Variants in NOD2 observed in about 807,000 individuals in gnomAD.
NOD2 encodes the protein nucleotide binding oligomerization domain containing 2.
In NOD2, 86 loss-of-function variants were observed where a neutral mutation model predicts 90.9. The observed-to-expected ratio is 0.95, with a 90% CI of 0.79 to 1.13. The LOEUF is 1.13. NOD2 is among the 50% of genes most tolerant of loss of function. The probability of loss-of-function intolerance (pLI) is 0.00; values close to 1 mark genes in which losing one functional copy is unlikely to be tolerated. For synonymous variants in NOD2, 581 were observed against 554.6 expected (o/e 1.05, Z -0.67); for missense variants, 1,238 against 1,283.8 (o/e 0.96, Z 0.55).
intron 10 of NOD2, 21 bp from the exon 11 acceptor site, chr16:50,729,797 C>A (rs1965388884): frequency 1.3e-6 from 2 of 1,599,392 alleles, no homozygotes; most frequent in Middle Eastern, 1.7e-4. Flanking sequence ...TTGAAGCTCA[C>A]CATTGTATCT....
chr16:50,704,532 C>CTTTTTTTTTTTTTT (rs71715899), intron 2 of NOD2, among the ~76,000 whole-genome samples: 1 of 145,574 alleles, frequency 6.9e-6, no homozygotes. Context: ...ATTCCAAAAC[C>CTTTTTTTTTTTTTT]TTTTTTTTTT....
At chr16:50,716,542 G>A in intron 4 of NOD2, 45 bp from the exon 5 acceptor site, 1 of 1,547,962 alleles carries the variant, frequency 6.5e-7, no homozygotes, top group Non-Finnish European at 8.9e-7. Flanking sequence ...TTTTTTTCTT[G>A]TCTTACTAGC....
rs139112440 is a variant in NOD2, at chr16:50,717,119, G to A, written c.2549+145G>A. 3.4e-4 allele frequency: 252 copies of A among 750,154 alleles called. No individual in the cohort carries two copies. The East Asian group carries it at 6.1e-3, about 18-fold the overall frequency. The allele number at this position is 750,154 out of a possible 1,614,324, so 46.5% of individuals were successfully genotyped here. A position where few individuals can be genotyped will look rare whatever the true frequency, so the allele number is the denominator to read the frequency against. ...GGACAGTGTCTCATTTTAAGCAGGGGTTCTCTAATGCTGTGATCTCCCCAG... is the reference window on the plus strand; with the variant it reads ...GGACAGTGTCTCATTTTAAGCAGGGATTCTCTAATGCTGTGATCTCCCCAG... On this transcript the variant is annotated intron_variant, in intron 6 of 11. Transcript: ENST00000647318.
At chr16:50,729,940 C>T in intron 11 of NOD2, 39 bp downstream of exon 11, 1 of 1,472,368 alleles carries the variant, frequency 6.8e-7, no homozygotes, top group East Asian at 2.3e-5. Flanking sequence ...CTCTCCGAAC[C>T]TCAGTTTTTC....
intron 2 of NOD2, among the ~76,000 whole-genome samples, chr16:50,703,683 C>CAA (rs1043742883): frequency 2.1e-4 from 12 of 56,400 alleles, no homozygotes; most frequent in African/African-American, 3.9e-4. Flanking sequence ...GACTCTGTCT[C>CAA]AAAAAAAAAA....
intron 4 of NOD2, among the ~76,000 whole-genome samples, chr16:50,715,357 T>A (rs776748641): frequency 6.6e-6 from 1 of 152,196 alleles, no homozygotes; most frequent in Non-Finnish European, 1.5e-5. Context: ...TTTTACTGTG[T>A]ACCGGGTGCT....
intron 11 of NOD2, among the ~76,000 whole-genome samples, chr16:50,730,740 A>C (rs1965425249): frequency 6.6e-6 from 1 of 152,114 alleles, no homozygotes; most frequent in African/African-American, 2.4e-5. Context: ...GGGCAAACCC[A>C]CTCTGGCTGA....
intron 1 of NOD2, among the ~76,000 whole-genome samples, chr16:50,695,734 C>G (rs1346260512): frequency 6.6e-6 from 1 of 151,682 alleles, no homozygotes; most frequent in Non-Finnish European, 1.5e-5. Context: ...AGAAAATGCC[C>G]CAAAGAGGAA....
At position 50,711,684 on chromosome 16, in the gene NOD2, C is replaced by G. The variant is rs773962188; in HGVS notation, c.1692C>G (p.Val564=). 6.2e-7 allele frequency: 1 copy of G among 1,613,610 alleles called. No homozygotes were observed. Among genetic ancestry groups the G allele is most frequent in the Non-Finnish European group, 8.5e-7 (1 of 1,179,982 alleles). The change falls in exon 4 of 12, where the codon GTC becomes GTG. Residue 564 remains valine (V), a synonymous_variant. Transcript: ENST00000647318. ...GCTTCCTGGTGCGTGCCAAAGGTGT[C>G]GTGCCAGGGAGTACGGCGCCCCTGG... The part of the protein sequence containing the change: ...SLGFLVRAKG[V]VPGSTAPLEF...
intron 1 of NOD2, among the ~76,000 whole-genome samples, chr16:50,695,117 G>A (rs1963584901): frequency 6.7e-6 from 1 of 149,754 alleles, no homozygotes; most frequent in Non-Finnish European, 1.5e-5. Context: ...TTGACTTGGG[G>A]TCTGGCAGGC....
At chr16:50,713,427 A>T (rs982209712) in intron 4 of NOD2, 1 of 152,214 alleles carries the variant, frequency 6.6e-6, no homozygotes, top group African/African-American at 2.4e-5. Context: ...CTGTGTAGTG[A>T]ATTTTGTTAA....
At chr16:50,727,570 G>A in intron 10 of NOD2, 1 of 287,872 alleles carries the variant, frequency 3.5e-6, no homozygotes, top group South Asian at 3.6e-5. Context: ...CCTCCTGGTT[G>A]TGGAAGCATT....
chr16:50,720,553 C>A (rs1965008066), intron 7 of NOD2, among the ~76,000 whole-genome samples: 4 of 152,142 alleles, frequency 2.6e-5, no homozygotes, highest in Admixed American at 2.6e-4. Flanking sequence ...CTAGGGCCTG[C>A]CAGGGAGGGG....
intron 2 of NOD2, among the ~76,000 whole-genome samples, chr16:50,702,366 A>G (rs752016636): frequency 2.6e-5 from 4 of 152,212 alleles, no homozygotes; most frequent in Non-Finnish European, 4.4e-5. Context: ...GGAGAGCAGG[A>G]GATTTTGAAA....
At chr16:50,701,416 A>T (rs973408095) in intron 2 of NOD2, among the ~76,000 whole-genome samples, 3 of 152,234 alleles carry the variant, frequency 2.0e-5, no homozygotes, top group Non-Finnish European at 4.4e-5. Context: ...ATAACCCTAG[A>T]TTGAGATTGA....
In NOD2 at chr16:50,707,956, G is replaced by A; in HGVS notation, c.561G>A (p.Leu187=). The part of the protein sequence containing the change: ...QELPVPLALP[L]EAATCKKYMA... ...TACCAGTCCCATTGGCCCTGCCTTTGGAAGGTAGGTGTATGTTCTCAGTTA... is the reference window on the plus strand; with the variant it reads ...TACCAGTCCCATTGGCCCTGCCTTTAGAAGGTAGGTGTATGTTCTCAGTTA... The change falls in exon 3 of 12, where the codon TTG becomes TTA. Residue 187 remains leucine, a synonymous_variant. Transcript: ENST00000647318. The A allele has an allele frequency of 6.2e-7, 1 of 1,605,652 alleles. No homozygotes were observed.
At chr16:50,707,403 G>A (rs555221471) in intron 2 of NOD2, among the ~76,000 whole-genome samples, 1 of 152,346 alleles carries the variant, frequency 6.6e-6, no homozygotes, top group South Asian at 2.1e-4. Context: ...AAACTTTTAA[G>A]TGGAGATGGA....
intron 1 of NOD2, among the ~76,000 whole-genome samples, chr16:50,699,128 G>C (rs534243409): frequency 6.6e-6 from 1 of 152,122 alleles, no homozygotes; most frequent in South Asian, 2.1e-4. Context: ...GCGTTTCACC[G>C]TGTTGGCCGG....
intron 4 of NOD2, among the ~76,000 whole-genome samples, chr16:50,715,976 T>G (rs1661400418): frequency 6.6e-6 from 1 of 152,176 alleles, no homozygotes; most frequent in African/African-American, 2.4e-5. Context: ...CAGATGATGT[T>G]GTGATCAGGT....
Sources: allele counts gnomAD v4.1 joint callset (sites outside exome capture counted in the v4.1 genomes callset), GRCh38; gene constraint gnomAD v4.1.1; transcripts MANE v1.5; gene names NCBI Gene and HGNC (gene_info 2026-07-23, HGNC 2026-07-21).